The following SPAG16 variants were observed in gnomAD, a reference collection of about 807,000 sequenced individuals.
The protein encoded by SPAG16 is sperm-associated antigen 16 protein.
Under a neutral mutation model 80.4 loss-of-function variants are expected in SPAG16, and 86 were observed. That is an observed-to-expected ratio of 1.07 (90% confidence interval 0.90 to 1.28). SPAG16 has a LOEUF of 1.28. Ranked by LOEUF, SPAG16 falls within the 50% of genes most tolerant of loss-of-function variation. The probability of loss-of-function intolerance (pLI) is 0.00; values close to 1 mark genes in which losing one functional copy is unlikely to be tolerated. For missense variants in SPAG16, 870 were observed against 765.3 expected, an observed-to-expected ratio of 1.14 and a Z score of -1.61; for synonymous variants, 294 against 265.9, an observed-to-expected ratio of 1.11 and a Z score of -1.03.
intron 9 of SPAG16, among the ~76,000 whole-genome samples, chr2:213,434,924 A>G (rs1160021439): frequency 6.6e-6 from 1 of 152,244 alleles, no homozygotes; most frequent in Non-Finnish European, 1.5e-5. Flanking sequence ...AACTAGAAAT[A>G]GAACTACCAT....
chr2:213,450,316 A>G (rs1385866012), intron 9 of SPAG16, among the ~76,000 whole-genome samples: 7 of 152,108 alleles, frequency 4.6e-5, no homozygotes, highest in Admixed American at 1.3e-4. Flanking sequence ...AACAACAAAA[A>G]CGAAAAAAAG....
At chr2:213,806,168 T>C (rs1162181768) in intron 10 of SPAG16, among the ~76,000 whole-genome samples, 3 of 152,154 alleles carry the variant, frequency 2.0e-5, no homozygotes, top group Non-Finnish European at 4.4e-5. Context: ...ATCATCCCAC[T>C]AAAACAAAAA....
At chr2:214,119,383 CA>C (rs2054103846) in intron 14 of SPAG16, among the ~76,000 whole-genome samples, 1 of 151,450 alleles carries the variant, frequency 6.6e-6, no homozygotes. Flanking sequence ...AAAGCAAAGC[CA>C]AAACCAAAAA....
intron 13 of SPAG16, among the ~76,000 whole-genome samples, chr2:214,076,591 A>T (rs2051092838): frequency 6.6e-6 from 1 of 151,290 alleles, no homozygotes; most frequent in Non-Finnish European, 1.5e-5. Context: ...TGTATGCTAC[A>T]ATAAAAAGAG....
chr2:213,522,330 G>A (rs1559217301), intron 10 of SPAG16, among the ~76,000 whole-genome samples: 1 of 152,198 alleles, frequency 6.6e-6, no homozygotes, highest in Non-Finnish European at 1.5e-5. Flanking sequence ...TATATTTTAA[G>A]TAAAATTGTT....
intron 12 of SPAG16, among the ~76,000 whole-genome samples, chr2:214,007,415 G>A (rs1575803045): frequency 1.3e-5 from 2 of 151,202 alleles, no homozygotes; most frequent in East Asian, 3.9e-4. Context: ...GGACAATATA[G>A]CAAGACTCTA....
At chr2:213,774,780 C>T (rs1391917487) in intron 10 of SPAG16, among the ~76,000 whole-genome samples, 1 of 152,202 alleles carries the variant, frequency 6.6e-6, no homozygotes, top group Non-Finnish European at 1.5e-5. Context: ...AGTAGTGTGG[C>T]AGGCTGACTC....
intron 9 of SPAG16, among the ~76,000 whole-genome samples, chr2:213,418,131 C>A (rs2069373672): frequency 6.6e-6 from 1 of 152,146 alleles, no homozygotes; most frequent in Non-Finnish European, 1.5e-5. Flanking sequence ...CCTCAGCCTC[C>A]CAAAGTGCTG....
chr2:214,262,717 A>G (rs1691266351), intron 15 of SPAG16, among the ~76,000 whole-genome samples: 1 of 152,096 alleles, frequency 6.6e-6, no homozygotes. Flanking sequence ...TTTGGCTCTA[A>G]AAGTATTTGA....
chr2:213,731,503 T>C (rs1408296337), intron 10 of SPAG16, among the ~76,000 whole-genome samples: 4 of 150,244 alleles, frequency 2.7e-5, no homozygotes, highest in African/African-American at 9.8e-5. Flanking sequence ...AGTTCAGGGG[T>C]ACATGTGCAG....
chr2:213,679,543 C>CAT (rs10628838), intron 10 of SPAG16, among the ~76,000 whole-genome samples: 62,718 of 151,766 alleles, frequency 0.41, 13,843 homozygotes, highest in African/African-American at 0.56. Flanking sequence ...ATTTTAAAAA[C>CAT]GTGGAGAAAC....
chr2:213,495,161 C>T (rs2074425503), intron 10 of SPAG16, among the ~76,000 whole-genome samples: 1 of 152,142 alleles, frequency 6.6e-6, no homozygotes, highest in Non-Finnish European at 1.5e-5. Context: ...CTTCTCTGAG[C>T]CCATTGGGAG....
At chr2:213,671,113 A>G (rs1377873989) in intron 10 of SPAG16, among the ~76,000 whole-genome samples, 6 of 152,232 alleles carry the variant, frequency 3.9e-5, no homozygotes, top group Non-Finnish European at 8.8e-5. Context: ...AGGGAGTTAC[A>G]TGGAATAGTC....
At chr2:213,321,202 T>G (rs889846875) in intron 5 of SPAG16, among the ~76,000 whole-genome samples, 2 of 152,110 alleles carry the variant, frequency 1.3e-5, no homozygotes, top group Non-Finnish European at 2.9e-5. Context: ...TTGATTATAC[T>G]AATAGCATTT....
At chr2:214,034,775 C>G (rs1403040721) in intron 13 of SPAG16, among the ~76,000 whole-genome samples, 1 of 152,162 alleles carries the variant, frequency 6.6e-6, no homozygotes, top group Non-Finnish European at 1.5e-5. Flanking sequence ...TGTCACGGCC[C>G]TGGCTTAAGG....
At chr2:213,400,618 T>C (rs1303526681) in intron 9 of SPAG16, among the ~76,000 whole-genome samples, 1 of 152,212 alleles carries the variant, frequency 6.6e-6, no homozygotes, top group Admixed American at 6.5e-5. Context: ...TTTCATGATA[T>C]AGCTGGGCAT....
intron 14 of SPAG16, among the ~76,000 whole-genome samples, chr2:214,109,030 T>C (rs1449695836): frequency 6.6e-6 from 1 of 152,094 alleles, no homozygotes; most frequent in Non-Finnish European, 1.5e-5. Flanking sequence ...AATGGGTTAA[T>C]GTCTTTGAAG....
intron 9 of SPAG16, among the ~76,000 whole-genome samples, chr2:213,476,965 T>C (rs1336457419): frequency 1.3e-5 from 2 of 152,094 alleles, no homozygotes; most frequent in African/African-American, 2.4e-5. Flanking sequence ...GAAAGAAAGC[T>C]CTCAGAAGCA....
At chr2:214,364,327 T>A (rs566313967) in intron 15 of SPAG16, among the ~76,000 whole-genome samples, 10 of 152,242 alleles carry the variant, frequency 6.6e-5, no homozygotes, top group African/African-American at 2.4e-4. Flanking sequence ...GTTGTACTTG[T>A]ACAAATAGCT....
Sources: gnomAD v4.1 joint callset for allele counts (sites outside exome capture counted in the v4.1 genomes callset) on GRCh38, gnomAD v4.1.1 for gene constraint, MANE v1.5 for transcripts, NCBI Gene and HGNC (gene_info 2026-07-23, HGNC 2026-07-21) for gene names.